The following COL19A1 variants were observed in gnomAD, a reference collection of about 807,000 sequenced individuals.
The protein encoded by COL19A1 is collagen alpha-1(XIX) chain.
In COL19A1, 159 loss-of-function variants were observed where a neutral mutation model predicts 190.2. The observed-to-expected ratio is 0.84, with a 90% CI of 0.73 to 0.95. COL19A1 has a LOEUF of 0.95. COL19A1 is among the 40% of genes least tolerant of loss of function. The probability of loss-of-function intolerance (pLI) is 0.00; values close to 1 mark genes in which losing one functional copy is unlikely to be tolerated. For synonymous variants in COL19A1, 509 were observed against 458.9 expected (o/e 1.11, Z -1.39); for missense variants, 1,418 against 1,431.9 (o/e 0.99, Z 0.16).
chr6:70,131,661 A>G (rs1317061137), intron 18 of COL19A1, among the ~76,000 whole-genome samples: 1 of 151,954 alleles, frequency 6.6e-6, no homozygotes, highest in Non-Finnish European at 1.5e-5. Flanking sequence ...GGACATATGC[A>G]GGCTAAGGGG....
intron 41 of COL19A1, among the ~76,000 whole-genome samples, chr6:70,175,424 A>G (rs1765743248): frequency 6.6e-6 from 1 of 151,924 alleles, no homozygotes; most frequent in African/African-American, 2.4e-5. Flanking sequence ...TTTATAATGT[A>G]TATTATTTTA....
chr6:69,984,642 C>T (rs1173956572), intron 11 of COL19A1, among the ~76,000 whole-genome samples: 2 of 152,124 alleles, frequency 1.3e-5, no homozygotes, highest in South Asian at 2.1e-4. Context: ...GTTTCTGTAT[C>T]ATTCTCTTGG....
intron 11 of COL19A1, among the ~76,000 whole-genome samples, chr6:69,973,282 G>A (rs985734458): frequency 6.6e-6 from 1 of 151,978 alleles, no homozygotes; most frequent in Non-Finnish European, 1.5e-5. Context: ...CCTTTCTCAG[G>A]ATCTGCCTGT....
At chr6:69,919,969 C>A (rs536552508) in intron 4 of COL19A1, among the ~76,000 whole-genome samples, 1 of 151,954 alleles carries the variant, frequency 6.6e-6, no homozygotes, top group Non-Finnish European at 1.5e-5. Context: ...TGCCAATTCT[C>A]CCTCATCTCT....
At chr6:70,056,638 T>C (rs1034914846) in intron 14 of COL19A1, among the ~76,000 whole-genome samples, 1 of 152,144 alleles carries the variant, frequency 6.6e-6, no homozygotes, top group Non-Finnish European at 1.5e-5. Context: ...TTTCAGACCA[T>C]TGTCTTGTGT....
At chr6:70,156,269 T>C (rs1164488386) in intron 32 of COL19A1, 38 bp downstream of exon 32, 1 of 1,613,094 alleles carries the variant, frequency 6.2e-7, no homozygotes, top group South Asian at 1.1e-5. Flanking sequence ...TCCCTGTGGG[T>C]TACATGTAGT....
chr6:69,969,277 A>G (rs1775288569), intron 11 of COL19A1, among the ~76,000 whole-genome samples: 1 of 152,240 alleles, frequency 6.6e-6, no homozygotes, highest in Admixed American at 6.5e-5. Context: ...ATAAGTAAAT[A>G]AAAGACAGGA....
At chr6:70,027,381 C>T (rs985375295) in intron 12 of COL19A1, among the ~76,000 whole-genome samples, 10 of 152,288 alleles carry the variant, frequency 6.6e-5, no homozygotes, top group African/African-American at 2.4e-4. Flanking sequence ...TTCAGTCTTT[C>T]TCAATGTGGC....
Position 69,965,220 on chromosome 6 carries a change from CTGTT to C in COL19A1, c.1026+2353_1026+2356del, listed in dbSNP as rs374783294. Among the ~76,000 whole-genome samples, 42 of 152,254 alleles carry C rather than the reference CTGTT, an allele frequency of 2.8e-4. No homozygotes were observed. In the South Asian group the frequency reaches 4.6e-3, roughly 17 times the overall value. On this transcript the variant is annotated intron_variant, in intron 11 of 50. Transcript: ENST00000620364. ...GTGGCCTTTACTGTGTTTAATTTGA[CTGTT>C]TGAGTGACAAGTCACCAGTTGCAAA...
intron 11 of COL19A1, among the ~76,000 whole-genome samples, chr6:70,017,709 G>A (rs528635569): frequency 2.0e-5 from 3 of 152,146 alleles, no homozygotes; most frequent in African/African-American, 7.2e-5. Context: ...TGCAGCTACA[G>A]AGGTAGAATA....
At chr6:70,184,972 C>T (rs2150290939) in intron 46 of COL19A1, 57 bp downstream of exon 46, 3 of 1,527,496 alleles carry the variant, frequency 2.0e-6, no homozygotes, top group Non-Finnish European at 2.7e-6. Flanking sequence ...ACTGTCCCAT[C>T]ATTTGAGTTA....
chr6:70,163,132 A>T (rs995425172), intron 35 of COL19A1, among the ~76,000 whole-genome samples: 5 of 152,218 alleles, frequency 3.3e-5, no homozygotes, highest in African/African-American at 1.2e-4. Flanking sequence ...GACGAAGGTG[A>T]AAAAGCGACC....
At chr6:70,025,552 C>T (rs1263562675) in intron 12 of COL19A1, among the ~76,000 whole-genome samples, 1 of 152,178 alleles carries the variant, frequency 6.6e-6, no homozygotes, top group Admixed American at 6.5e-5. Context: ...CCTTCCTCCT[C>T]AGGACAAAGG....
intron 15 of COL19A1, among the ~76,000 whole-genome samples, chr6:70,080,933 G>A (rs1238467795): frequency 6.6e-6 from 1 of 152,154 alleles, no homozygotes; most frequent in African/African-American, 2.4e-5. Context: ...GCAAGTGAAT[G>A]TGGTGTGTTT....
At chr6:70,028,747 G>T (rs1778861041) in intron 12 of COL19A1, among the ~76,000 whole-genome samples, 1 of 152,122 alleles carries the variant, frequency 6.6e-6, no homozygotes, top group South Asian at 2.1e-4. Flanking sequence ...ACACTTTGGG[G>T]TTATCACTCT....
chr6:70,032,018 C>T (rs1779102538), intron 12 of COL19A1, among the ~76,000 whole-genome samples: 1 of 152,120 alleles, frequency 6.6e-6, no homozygotes, highest in Non-Finnish European at 1.5e-5. Flanking sequence ...GGAGACAGAT[C>T]AGGTTCAACT....
chr6:70,098,217 T>G (rs1449104405), intron 15 of COL19A1, among the ~76,000 whole-genome samples: 2 of 152,212 alleles, frequency 1.3e-5, no homozygotes. Flanking sequence ...AATCTGATTT[T>G]AGTCCTAGGA....
At chr6:70,197,052 T>A (rs1347856281) in intron 48 of COL19A1, among the ~76,000 whole-genome samples, 1 of 152,048 alleles carries the variant, frequency 6.6e-6, no homozygotes, top group Non-Finnish European at 1.5e-5. Flanking sequence ...AATTCATATA[T>A]TAAAGAGGAA....
At chr6:69,941,372 T>G (rs553563737) in intron 9 of COL19A1, among the ~76,000 whole-genome samples, 2 of 152,292 alleles carry the variant, frequency 1.3e-5, no homozygotes, top group East Asian at 1.9e-4. Flanking sequence ...TTCCCCTGCT[T>G]TCTTATCCAC....
Sources: gnomAD v4.1 joint callset for allele counts (sites outside exome capture counted in the v4.1 genomes callset) on GRCh38, gnomAD v4.1.1 for gene constraint, MANE v1.5 for transcripts, NCBI Gene and HGNC (gene_info 2026-07-23, HGNC 2026-07-21) for gene names.